The following BCAS3 variants were observed in gnomAD, a reference collection of about 807,000 sequenced individuals.
The protein encoded by BCAS3 is BCAS4/BCAS3 fusion.
In BCAS3, 53 loss-of-function variants were observed where a neutral mutation model predicts 116.1. That is an observed-to-expected ratio of 0.46 (90% CI 0.37 to 0.57). The LOEUF (loss-of-function observed/expected upper bound fraction) is 0.57, where lower values mean the gene tolerates loss of function less well. BCAS3 is among the 20% of genes least tolerant of loss of function. BCAS3 has a pLI of 0.00. For missense variants in BCAS3, 917 were observed against 1,165.4 expected (o/e 0.79, Z 3.10); for synonymous variants, 391 against 408.2 (o/e 0.96, Z 0.51).
intron 16 of BCAS3, among the ~76,000 whole-genome samples, chr17:61,025,898 GA>G (rs1052110281): frequency 1.3e-5 from 2 of 151,994 alleles, no homozygotes; most frequent in African/African-American, 4.8e-5. Flanking sequence ...AGTTTACTGG[GA>G]AAAAAATTAA....
chr17:61,094,224 A>G (rs964196231), intron 22 of BCAS3, among the ~76,000 whole-genome samples: 2 of 152,198 alleles, frequency 1.3e-5, no homozygotes, highest in Non-Finnish European at 2.9e-5. Flanking sequence ...AATTTTATTA[A>G]GTTTTGATCC....
At chr17:61,358,479 C>T (rs1674333558) in intron 22 of BCAS3, among the ~76,000 whole-genome samples, 1 of 149,026 alleles carries the variant, frequency 6.7e-6, no homozygotes, top group Non-Finnish European at 1.5e-5. Flanking sequence ...CTGCCTAGGT[C>T]AGTAGTTGGG....
rs1342201537 is a variant in BCAS3 at position 61,028,112 on chromosome 17, A to C, written c.1638-6554A>C. 6.6e-6 allele frequency among the ~76,000 whole-genome samples: 1 copy of C among 151,892 alleles called. No individual in the cohort carries two copies. Among genetic ancestry groups the C allele is most frequent in the Non-Finnish European group, 1.5e-5 (1 of 67,800 alleles). On this transcript the variant is annotated intron_variant, in intron 16 of 23. Coordinates refer to ENST00000407086, the MANE Select transcript of BCAS3 (RefSeq NM_017679.5). This position sits in a 1 kb window ranked among gnomAD's most constrained non-coding sequence, Gnocchi z 4.3. The stretch of plus-strand genomic sequence containing the variant: ...CTATTACACTAGAAAAAAACATTCC[A>C]ACGTTTTTTCCTCTTGGACAGAAAG...
intron 22 of BCAS3, among the ~76,000 whole-genome samples, chr17:61,192,020 G>T (rs1298974185): frequency 6.6e-6 from 1 of 151,840 alleles, no homozygotes; most frequent in African/African-American, 2.4e-5. Flanking sequence ...CGAGGCGGGT[G>T]GATCACCTGA....
intron 6 of BCAS3, among the ~76,000 whole-genome samples, chr17:60,752,696 G>T (rs1222703076): frequency 1.3e-5 from 2 of 151,016 alleles, no homozygotes; most frequent in East Asian, 4.0e-4. Flanking sequence ...TTTCAATTTT[G>T]ATGCATGCTG....
At position 61,368,760 on chromosome 17, in the gene BCAS3, A is replaced by G. The variant is rs2058877133; in HGVS notation, c.2593+266A>G. ...CACTGTGCAAGTGGCTCCCAGAAGG[A>G]CACTTTCCTCCTTTGGGGGTGTCCC... On this transcript the variant is annotated intron_variant, in intron 23 of 23. Coordinates refer to ENST00000407086, the MANE Select transcript of BCAS3 (RefSeq NM_017679.5). The surrounding 1 kb of genome is among the most constrained non-coding windows in gnomAD (Gnocchi z 6.0). 6.6e-6 allele frequency among the ~76,000 whole-genome samples: 1 copy of G among 152,186 alleles called. No homozygotes were observed. Among genetic ancestry groups the G allele is most frequent in the Non-Finnish European group, 1.5e-5 (1 of 68,036 alleles).
chr17:61,062,124 C>T lies in BCAS3; in HGVS notation c.2030-12796C>T, dbSNP rs1046402207. ...TATTGACTATGGTGTGCTGCACCATCTGTATCAATTGTATTGTTCCTATTC... is the reference window on the plus strand; with the variant it reads ...TATTGACTATGGTGTGCTGCACCATTTGTATCAATTGTATTGTTCCTATTC... On this transcript the variant is annotated intron_variant, in intron 19 of 23. Coordinates refer to ENST00000407086, the MANE Select transcript of BCAS3 (RefSeq NM_017679.5). 7.2e-5 allele frequency among the ~76,000 whole-genome samples: 11 copies of T among 152,272 alleles called. No individual in the cohort carries two copies. In the South Asian group the frequency reaches 2.3e-3, roughly 32 times the overall value.
chr17:61,197,483 A>T (rs1008268563), intron 22 of BCAS3, among the ~76,000 whole-genome samples: 6 of 152,218 alleles, frequency 3.9e-5, no homozygotes, highest in Non-Finnish European at 7.3e-5. Flanking sequence ...GCTTTGACAT[A>T]GAAGTTAGGT....
At position 61,238,227 on chromosome 17, in the gene BCAS3, G is replaced by GTT. The variant is rs34208664; in HGVS notation, c.2426-130089_2426-130088dup. On this transcript the variant is annotated intron_variant, in intron 22 of 23. Transcript: ENST00000407086. Reference sequence around the variant, plus strand: ...GCCACCACACCTGGCAGTTTTTCGGGTTTTTTTTTTTTGAGATGGAGTTTC... The same window carrying GTT: ...GCCACCACACCTGGCAGTTTTTCGGGTTTTTTTTTTTTTTGAGATGGAGTTTC... Among the ~76,000 whole-genome samples, 362 of 141,212 alleles carry GTT rather than the reference G, an allele frequency of 2.6e-3. 5 individuals are homozygous for GTT. In the East Asian group the frequency reaches 0.026, roughly 10 times the overall value. 92.6% of individuals were successfully genotyped at this position (141,212 alleles called of 152,430 possible).
chr17:61,067,273 G>GTGTATATATATATATATATA (rs1251223420), intron 19 of BCAS3, among the ~76,000 whole-genome samples: 2 of 58,800 alleles, frequency 3.4e-5, no homozygotes, highest in East Asian at 1.0e-3. Flanking sequence ...GTGTGTATGT[G>GTGTATATATATATATATATA]TATATATATA....
chr17:60,701,323 A>G (rs1411888264), intron 4 of BCAS3, among the ~76,000 whole-genome samples: 1 of 152,200 alleles, frequency 6.6e-6, no homozygotes, highest in Non-Finnish European at 1.5e-5. Flanking sequence ...TTGCTTTATG[A>G]TTTTGGAAAA....
intron 7 of BCAS3, among the ~76,000 whole-genome samples, chr17:60,843,876 G>T (rs1406477431): frequency 6.6e-6 from 1 of 152,182 alleles, no homozygotes; most frequent in Non-Finnish European, 1.5e-5. Flanking sequence ...TTTGTGTTCA[G>T]TAGGTGTCTT....
rs563981627 is a variant in BCAS3, at chr17:61,323,853, C to T, written c.2426-44474C>T. Among the ~76,000 whole-genome samples, 2 of 152,358 alleles carry T rather than the reference C, an allele frequency of 1.3e-5. No homozygotes were observed. The highest frequency in any genetic ancestry group is 2.1e-4 in the South Asian group (1 of 4,822). On this transcript the variant is annotated intron_variant, in intron 22 of 23. Transcript: ENST00000407086. The surrounding 1 kb of genome is among the most constrained non-coding windows in gnomAD (Gnocchi z 4.6). ...CCTGGCTTATCCATGGCCCCCTGGCCCCTGTGTGGGTTCCTTGGCTCCGTG... is the reference window on the plus strand; with the variant it reads ...CCTGGCTTATCCATGGCCCCCTGGCTCCTGTGTGGGTTCCTTGGCTCCGTG...
chr17:60,985,009 C>CAAA (rs762586066), intron 14 of BCAS3, among the ~76,000 whole-genome samples: 28 of 50,250 alleles, frequency 5.6e-4, no homozygotes, highest in African/African-American at 7.9e-4. Context: ...GACTCCATCT[C>CAAA]AAAAAAAAAA....
At chr17:60,942,291 G>A (rs1290299708) in intron 13 of BCAS3, among the ~76,000 whole-genome samples, 2 of 152,140 alleles carry the variant, frequency 1.3e-5, no homozygotes, top group African/African-American at 2.4e-5. Context: ...GCTGGGCGTG[G>A]CGGCGGGCGC....
intron 23 of BCAS3, among the ~76,000 whole-genome samples, chr17:61,375,241 T>C (rs1269149589): frequency 7.2e-6 from 1 of 138,824 alleles, no homozygotes; most frequent in African/African-American, 3.4e-5. Context: ...TGTGTGTGTG[T>C]GTGTGTGTGT....
chr17:61,279,791 A>C lies in BCAS3; in HGVS notation c.2426-88536A>C, dbSNP rs1431409259. Among the ~76,000 whole-genome samples the C allele has an allele frequency of 1.3e-5, 2 of 151,696 alleles. No individual in the cohort carries two copies. The highest frequency in any genetic ancestry group is 4.8e-5 in the African/African-American group (2 of 41,284). On this transcript the variant is annotated intron_variant, in intron 22 of 23. Transcript: ENST00000407086. The surrounding 1 kb of genome is among the most constrained non-coding windows in gnomAD (Gnocchi z 4.4). ...GCTTGAGTGAAGAAAAAAAAAAAAA[A>C]CTAGGCAGGTAACCACAAGCCAAGT...
At chr17:61,321,758 A>G (rs2055233526) in intron 22 of BCAS3, among the ~76,000 whole-genome samples, 1 of 152,098 alleles carries the variant, frequency 6.6e-6, no homozygotes, top group Admixed American at 6.5e-5. Flanking sequence ...AGTGCTCTCC[A>G]ATCTGGCCAT....
chr17:61,359,218 A>T (rs571819606), intron 22 of BCAS3, among the ~76,000 whole-genome samples: 1 of 152,168 alleles, frequency 6.6e-6, no homozygotes, highest in African/African-American at 2.4e-5. Flanking sequence ...CCACTGCCCC[A>T]AAGAAGAGCT....
Sources: gnomAD v4.1 joint callset for allele counts (sites outside exome capture counted in the v4.1 genomes callset) on GRCh38, gnomAD v4.1.1 for gene constraint, Gnocchi (gnomAD v3.1) non-coding constraint, MANE v1.5 for transcripts, NCBI Gene and HGNC (gene_info 2026-07-23, HGNC 2026-07-21) for gene names.